LRP1B: variants seen among roughly 807,000 people sequenced by gnomAD.
The protein encoded by LRP1B is low-density lipoprotein receptor-related protein 1B.
In LRP1B, 217 loss-of-function variants were observed where a neutral mutation model predicts 556.6. The observed-to-expected ratio is 0.39, with a 90% CI of 0.35 to 0.44. LRP1B has a LOEUF of 0.44. LRP1B is among the 20% of genes least tolerant of loss of function. The pLI, the probability that LRP1B is intolerant of heterozygous loss-of-function variation, is 1.00. For missense variants in LRP1B, 5,053 were observed against 5,620.8 expected (o/e 0.90, Z 3.23); for synonymous variants, 2,047 against 1,865.8 (o/e 1.10, Z -2.50).
intron 79 of LRP1B, among the ~76,000 whole-genome samples, chr2:140,333,406 C>T (rs1680914083): frequency 6.6e-6 from 1 of 152,004 alleles, no homozygotes. Flanking sequence ...CACATTGTTT[C>T]TTCAGCATTT....
At chr2:140,976,189 A>C (rs1341622449) in intron 18 of LRP1B, among the ~76,000 whole-genome samples, 1 of 151,904 alleles carries the variant, frequency 6.6e-6, no homozygotes, top group East Asian at 1.9e-4. Flanking sequence ...CAAAATGCTG[A>C]GATAACAGGC....
chr2:140,832,623 G>C (rs1480324460), intron 31 of LRP1B, among the ~76,000 whole-genome samples: 3 of 152,254 alleles, frequency 2.0e-5, no homozygotes, highest in East Asian at 1.9e-4. Context: ...ATTATGTTAA[G>C]AGAAATTGGC....
intron 87 of LRP1B, among the ~76,000 whole-genome samples, chr2:140,244,630 A>C (rs2104894193): frequency 6.6e-6 from 1 of 151,386 alleles, no homozygotes; most frequent in South Asian, 2.1e-4. Context: ...AGATCTGCCT[A>C]ATTCCACAAG....
Position 140,444,336 on chromosome 2 carries a change from C to A in LRP1B, c.10288G>T (p.Asp3430Tyr). ...DDCGDEEDER[D>Y]CPENSCSPDY... ...GTATTTTGAGGTGACTTACGACAGT[C>A]TCTTTCATCTTCCTCATCACCACAG... Residue 3430 changes from aspartate (D) to tyrosine (Y), a missense_variant, in exon 65 of 91, where the codon GAC becomes TAC. Asp to Tyr is a radical substitution (Grantham distance 160). Coordinates refer to ENST00000389484, the MANE Select transcript of LRP1B (RefSeq NM_018557.3). The A allele has an allele frequency of 6.2e-7, 1 of 1,613,906 alleles. No individual in the cohort carries two copies. Among genetic ancestry groups the A allele is most frequent in the South Asian group, 1.1e-5 (1 of 91,064 alleles).
intron 1 of LRP1B, among the ~76,000 whole-genome samples, chr2:141,902,803 G>C (rs1482101742): frequency 6.6e-6 from 1 of 151,924 alleles, no homozygotes; most frequent in Non-Finnish European, 1.5e-5. Flanking sequence ...ATCATTAGAA[G>C]CCTACACTTA....
intron 87 of LRP1B, among the ~76,000 whole-genome samples, chr2:140,245,513 C>T (rs1227679849): frequency 6.6e-6 from 1 of 151,330 alleles, no homozygotes; most frequent in Admixed American, 6.6e-5. Flanking sequence ...TGAGAAACTA[C>T]CATTAAAAAG....
intron 3 of LRP1B, among the ~76,000 whole-genome samples, chr2:141,319,274 C>A (rs1185642268): frequency 4.2e-5 from 6 of 143,576 alleles, no homozygotes; most frequent in African/African-American, 1.0e-4. Context: ...ATTTCAGGCA[C>A]ATAATGTAGT....
intron 32 of LRP1B, among the ~76,000 whole-genome samples, chr2:140,797,251 T>C (rs1361714932): frequency 6.6e-6 from 1 of 151,996 alleles, no homozygotes; most frequent in African/African-American, 2.4e-5. Flanking sequence ...CAAAACCCAA[T>C]CTTCTTTTAA....
Position 140,558,942 on chromosome 2 carries a change from GAA to G in LRP1B, c.7195-16973_7195-16972del, listed in dbSNP as rs371518136. On this transcript the variant is annotated intron_variant, in intron 43 of 90. Coordinates refer to ENST00000389484, the MANE Select transcript of LRP1B (RefSeq NM_018557.3). The stretch of plus-strand genomic sequence containing the variant: ...CAGAGCCAGACCCTGTCTCCAAAAG[GAA>G]AAAAAAAAAAAACAAACTTTAAATC... Among the ~76,000 whole-genome samples the G allele has an allele frequency of 5.7e-4, 63 of 110,588 alleles. 1 individual carries two copies. Among genetic ancestry groups the G allele is most frequent in the African/African-American group, 1.7e-3 (52 of 31,114 alleles). The allele number at this position is 110,588 out of a possible 152,430, so 72.6% of individuals were successfully genotyped here.
intron 32 of LRP1B, among the ~76,000 whole-genome samples, chr2:140,803,883 C>CCCCAAAAAAAAAAAAAAAA (rs1553536909): frequency 1.5e-5 from 2 of 136,630 alleles, no homozygotes; most frequent in African/African-American, 5.6e-5. Flanking sequence ...CCAACCCCCC[C>CCCCAAAAAAAAAAAAAAAA]AAAAAAAAGA....
intron 84 of LRP1B, among the ~76,000 whole-genome samples, chr2:140,276,200 CATAATTT>C (rs1387600361): frequency 6.6e-6 from 1 of 151,876 alleles, no homozygotes; most frequent in African/African-American, 2.4e-5. Flanking sequence ...AAAATTAAAA[CATAATTT>C]ATAATTCTCA....
Position 140,820,900 on chromosome 2 carries a change from C to T in LRP1B, c.5210-7094G>A, listed in dbSNP as rs549776485. 6.7e-5 allele frequency among the ~76,000 whole-genome samples: 9 copies of T among 134,648 alleles called. No homozygotes were observed. The East Asian group carries it at 2.0e-3, about 30-fold the overall frequency. The allele number at this position is 134,648 out of a possible 152,430, so 88.3% of individuals were successfully genotyped here. A position where few individuals can be genotyped will look rare whatever the true frequency, so the allele number is the denominator to read the frequency against. On this transcript the variant is annotated intron_variant, in intron 31 of 90. Transcript: ENST00000389484. ...ATACTAAGGAAAGCCCCTCCTCTTT[C>T]TGTTGCTTCTTTAAAAAAAAAAAAA... is the stretch of plus-strand genomic sequence containing the variant.
intron 3 of LRP1B, among the ~76,000 whole-genome samples, chr2:141,264,414 G>C (rs1684811318): frequency 6.6e-6 from 1 of 152,156 alleles, no homozygotes; most frequent in Non-Finnish European, 1.5e-5. Context: ...CATGTGGTCT[G>C]AGAAAATATT....
At position 141,229,322 on chromosome 2, in the gene LRP1B, A is replaced by G. The variant is rs1667549508; in HGVS notation, c.711T>C (p.Thr237=). 6.2e-7 allele frequency: 1 copy of G among 1,612,758 alleles called. No homozygotes were observed. The highest frequency in any genetic ancestry group is 1.1e-5 in the South Asian group (1 of 91,016). Residue 237 remains threonine, a synonymous_variant, in exon 6 of 91, where the codon ACT becomes ACC. Coordinates refer to ENST00000389484, the MANE Select transcript of LRP1B (RefSeq NM_018557.3). ...TATCTTCATTATAAATAAAATCCAG[A>G]GTATGAATTTCATTTCCATTGACTG... ...LSSVNGNEIH[T]LDFIYNEDMI...
Position 141,604,250 on chromosome 2 carries a change from A to G in LRP1B, c.206-123717T>C, listed in dbSNP as rs527899226. ...TAAATTATACAAAATGGTTGGTCAG[A>G]TAAGACAGATAATCTAATATCAAAA... On this transcript the variant is annotated intron_variant, in intron 2 of 90. Coordinates refer to ENST00000389484, the MANE Select transcript of LRP1B (RefSeq NM_018557.3). 2.0e-5 allele frequency among the ~76,000 whole-genome samples: 3 copies of G among 152,350 alleles called. No individual in the cohort carries two copies. In the South Asian group the frequency reaches 6.2e-4, roughly 32 times the overall value.
chr2:140,437,708 AATAG>A (rs1451146411), intron 66 of LRP1B, among the ~76,000 whole-genome samples: 3 of 152,348 alleles, frequency 2.0e-5, no homozygotes, highest in Admixed American at 6.5e-5. Flanking sequence ...ATCTACATAG[AATAG>A]ATAGATTTGC....
chr2:141,586,714 G>T (rs941538352), intron 2 of LRP1B, among the ~76,000 whole-genome samples: 1 of 151,856 alleles, frequency 6.6e-6, no homozygotes, highest in African/African-American at 2.4e-5. Context: ...AGGCCGAGGC[G>T]GGTGGATCAC....
At chr2:140,381,665 C>G (rs1432401009) in intron 67 of LRP1B, among the ~76,000 whole-genome samples, 1 of 151,790 alleles carries the variant, frequency 6.6e-6, no homozygotes, top group Non-Finnish European at 1.5e-5. Context: ...GAGTTCGAGA[C>G]CAGTCTGGCC....
At chr2:140,516,023 C>T (rs752258168) in intron 50 of LRP1B, among the ~76,000 whole-genome samples, 2 of 151,714 alleles carry the variant, frequency 1.3e-5, no homozygotes, top group Non-Finnish European at 2.9e-5. Context: ...AGAAACAAAA[C>T]GTAAAAATGC....
Sources: gnomAD v4.1 joint callset for allele counts (sites outside exome capture counted in the v4.1 genomes callset) on GRCh38, gnomAD v4.1.1 for gene constraint, MANE v1.5 for transcripts, NCBI Gene and HGNC (gene_info 2026-07-23, HGNC 2026-07-21) for gene names.